NCOA1: variants seen among roughly 807,000 people sequenced by gnomAD.
NCOA1 encodes Hin-2 protein.
A neutral mutation model predicts 150.9 loss-of-function variants in NCOA1; 35 were observed. That is an observed-to-expected ratio of 0.23 (90% confidence interval 0.18 to 0.31). The LOEUF is 0.31. Among genes scored for constraint, NCOA1 ranks in the 10% least tolerant of loss-of-function variants. The pLI, the probability that NCOA1 is intolerant of heterozygous loss-of-function variation, is 1.00. For missense variants in NCOA1, 1,491 were observed against 1,749.3 expected (o/e 0.85, Z 2.63); for synonymous variants, 590 against 630.0 (o/e 0.94, Z 0.95).
chr2:24,762,552 C>T (rs1024914812), intron 21 of NCOA1, 135 bp from the exon 22 acceptor site: 4 of 740,886 alleles, frequency 5.4e-6, no homozygotes, highest in Non-Finnish European at 9.2e-6. Flanking sequence ...TGTAACAACA[C>T]AGTTAATTGC....
At chr2:24,567,757 A>G (rs545111670) in intron 2 of NCOA1, among the ~76,000 whole-genome samples, 4 of 152,046 alleles carry the variant, frequency 2.6e-5, no homozygotes, top group East Asian at 3.9e-4. Flanking sequence ...TTGTTTATCA[A>G]TTTCTTTTTT....
intron 2 of NCOA1, among the ~76,000 whole-genome samples, chr2:24,572,973 A>C (rs561359697): frequency 7.2e-5 from 11 of 152,178 alleles, no homozygotes; most frequent in Non-Finnish European, 1.3e-4. Flanking sequence ...TCTCGTATCT[A>C]ATCATGAAAT....
intron 1 of NCOA1, among the ~76,000 whole-genome samples, chr2:24,521,667 G>A (rs1015579661): frequency 6.6e-6 from 1 of 152,098 alleles, no homozygotes; most frequent in Non-Finnish European, 1.5e-5. Flanking sequence ...TATTTTGGCT[G>A]TTATGAATAA....
At chr2:24,761,144 G>A (rs1242438398) in intron 21 of NCOA1, among the ~76,000 whole-genome samples, 2 of 152,076 alleles carry the variant, frequency 1.3e-5, no homozygotes, top group Admixed American at 6.6e-5. Flanking sequence ...CACCACACCC[G>A]GCCAAATTTT....
intron 12 of NCOA1, 128 bp from the exon 13 acceptor site, chr2:24,706,440 A>G: frequency 9.2e-7 from 1 of 1,090,258 alleles, no homozygotes; most frequent in Non-Finnish European, 1.2e-6. Flanking sequence ...AAGATGGTAC[A>G]GAAGCTCTTT....
chr2:24,693,150 G>A, intron 9 of NCOA1, 102 bp from the exon 10 acceptor site: 1 of 1,160,560 alleles, frequency 8.6e-7, no homozygotes. Context: ...CACCACGTCT[G>A]GCCAACATGT....
chr2:24,703,775 A>G (rs1673281966), intron 11 of NCOA1, among the ~76,000 whole-genome samples: 1 of 152,178 alleles, frequency 6.6e-6, no homozygotes, highest in African/African-American at 2.4e-5. Flanking sequence ...ATGTAACTTC[A>G]AAAATTATTT....
chr2:24,676,005 A>G (rs570195297), intron 7 of NCOA1, among the ~76,000 whole-genome samples: 1 of 152,328 alleles, frequency 6.6e-6, no homozygotes, highest in African/African-American at 2.4e-5. Flanking sequence ...CTTCTCTTTC[A>G]ATACATCCTG....
At chr2:24,609,628 C>T (rs1376920358) in intron 3 of NCOA1, among the ~76,000 whole-genome samples, 2 of 152,038 alleles carry the variant, frequency 1.3e-5, no homozygotes, top group African/African-American at 4.8e-5. Context: ...GAGACCTCAT[C>T]TCTTAAAAAA....
intron 14 of NCOA1, among the ~76,000 whole-genome samples, chr2:24,715,576 A>G (rs1361434704): frequency 2.6e-5 from 4 of 152,246 alleles, no homozygotes; most frequent in African/African-American, 2.4e-5. Context: ...AGTATTTTAA[A>G]AAATCAATTG....
At chr2:24,721,683 A>G (rs1284128193) in intron 14 of NCOA1, among the ~76,000 whole-genome samples, 2 of 152,200 alleles carry the variant, frequency 1.3e-5, no homozygotes, top group Non-Finnish European at 1.5e-5. Context: ...ACTCAGAGCA[A>G]TGGCCTGGCA....
intron 6 of NCOA1, among the ~76,000 whole-genome samples, chr2:24,666,974 A>G (rs903834656): frequency 8.5e-5 from 13 of 152,178 alleles, no homozygotes; most frequent in Non-Finnish European, 1.9e-4. Context: ...AGCTGGCCCC[A>G]TGGGAGTGCC....
intron 3 of NCOA1, among the ~76,000 whole-genome samples, chr2:24,599,459 CA>C (rs1668017048): frequency 6.6e-6 from 1 of 152,114 alleles, no homozygotes; most frequent in East Asian, 1.9e-4. Flanking sequence ...GACAAAGCAA[CA>C]AAAACTGTAG....
chr2:24,729,005 G>A (rs141048921), intron 16 of NCOA1, among the ~76,000 whole-genome samples: 11 of 152,314 alleles, frequency 7.2e-5, no homozygotes, highest in Admixed American at 2.0e-4. Context: ...GCGCACGCGC[G>A]CAATTAGGTC....
rs757423470 is a variant in NCOA1, at chr2:24,706,740, T to C, written c.1270T>C (p.Ser424Pro). 3 of 1,613,990 alleles carry C rather than the reference T, an allele frequency of 1.9e-6. No individual in the cohort carries two copies. The South Asian group carries it at 3.3e-5, about 18-fold the overall frequency. The change falls in exon 13 of 23, where the codon TCA becomes CCA. Residue 424 changes from serine (S) to proline (P), a missense_variant. Ser to Pro is a moderately conservative substitution (Grantham distance 74). Transcript: ENST00000348332. The part of the protein sequence containing the change: ...VSTRINRQQS[S>P]DLHSSSHSNS... ...CACCAGAATAAACCGCCAGCAGAGC[T>C]CAGACCTTCATAGCAGCAGTCATAG...
chr2:24,607,207 T>C (rs1403919575), intron 3 of NCOA1, among the ~76,000 whole-genome samples: 3 of 148,420 alleles, frequency 2.0e-5, no homozygotes, highest in African/African-American at 7.5e-5. Flanking sequence ...TTTTTTTGAG[T>C]CTATTTGATA....
intron 4 of NCOA1, among the ~76,000 whole-genome samples, chr2:24,650,158 G>A (rs1670649952): frequency 6.6e-6 from 1 of 152,074 alleles, no homozygotes; most frequent in Admixed American, 6.6e-5. Context: ...AGGGGAGCAG[G>A]GTCTCTTCTC....
chr2:24,573,020 C>T (rs772791498), intron 2 of NCOA1, among the ~76,000 whole-genome samples: 5 of 152,016 alleles, frequency 3.3e-5, no homozygotes, highest in Non-Finnish European at 7.4e-5. Context: ...GCTCTGGAAA[C>T]CAAAAGGTGA....
intron 3 of NCOA1, among the ~76,000 whole-genome samples, chr2:24,630,512 CT>C (rs1669659775): frequency 6.6e-6 from 1 of 152,174 alleles, no homozygotes; most frequent in South Asian, 2.1e-4. Flanking sequence ...ATCCAAGAAA[CT>C]TTCTCTGAGG....
Sources: allele counts gnomAD v4.1 joint callset (sites outside exome capture counted in the v4.1 genomes callset), GRCh38; gene constraint gnomAD v4.1.1; transcripts MANE v1.5; gene names NCBI Gene and HGNC (gene_info 2026-07-23, HGNC 2026-07-21).